Variants in ARID3A observed in about 807,000 individuals in gnomAD.
ARID3A encodes the protein AT-rich interactive domain-containing protein 3A.
ARID3A carries 11 observed loss-of-function variants against 52.7 expected under a neutral mutation model. The ratio of observed to expected loss-of-function variants is 0.21; its 90% CI spans 0.13 to 0.35. The LOEUF (loss-of-function observed/expected upper bound fraction) is 0.35. ARID3A is among the 10% of genes least tolerant of loss of function. The pLI is 1.00. For synonymous variants in ARID3A, 404 were observed against 359.4 expected, an observed-to-expected ratio of 1.12 and a Z score of -1.40; for missense variants, 721 against 838.5, an observed-to-expected ratio of 0.86 and a Z score of 1.73.
chr19:964,768 C>G lies in ARID3A; in HGVS notation c.951-65C>G, dbSNP rs1237218307. 8 of 1,564,196 alleles carry G rather than the reference C, an allele frequency of 5.1e-6. No homozygotes were observed. The highest frequency in any genetic ancestry group is 1.4e-5 in the African/African-American group (1 of 73,874). On this transcript the variant is annotated intron_variant, in intron 5 of 8. Transcript: ENST00000263620. This position sits in a 1 kb window ranked among gnomAD's most constrained non-coding sequence, Gnocchi z 5.7. ...GTGCCACAGTGGGGTTTACTTTGTA[C>G]TGAAGGCCAAAGAGAGCCGTAGGGG...
intron 3 of ARID3A, among the ~76,000 whole-genome samples, chr19:939,678 A>G (rs1299150830): frequency 6.6e-6 from 1 of 151,920 alleles, no homozygotes; most frequent in Non-Finnish European, 1.5e-5. Flanking sequence ...TTCGCGTCGT[A>G]ATTGGGATGT....
At chr19:953,155 G>GGGGAACC (rs2037837531) in intron 3 of ARID3A, among the ~76,000 whole-genome samples, 1 of 151,970 alleles carries the variant, frequency 6.6e-6, no homozygotes, top group Admixed American at 6.5e-5. Context: ...CCGGGCAGCC[G>GGGGAACC]GGGAACCCCC....
chr19:941,434 G>A lies in ARID3A; in HGVS notation c.693+8692G>A, dbSNP rs374428396. 4.6e-5 allele frequency among the ~76,000 whole-genome samples: 7 copies of A among 152,160 alleles called. No homozygotes were observed. In the East Asian group the frequency reaches 5.8e-4, roughly 13 times the overall value. On this transcript the variant is annotated intron_variant, in intron 3 of 8. Transcript: ENST00000263620. This position sits in a 1 kb window ranked among gnomAD's most constrained non-coding sequence, Gnocchi z 6.9. Reference sequence around the variant, plus strand: ...GTGCACCCAGCCAGCGGCACCTCACGCGCCCGCCTGCGTGTCCCCAGCCAG... The same window carrying A: ...GTGCACCCAGCCAGCGGCACCTCACACGCCCGCCTGCGTGTCCCCAGCCAG...
intron 3 of ARID3A, among the ~76,000 whole-genome samples, chr19:946,692 C>G (rs1476736360): frequency 1.3e-5 from 2 of 152,098 alleles, no homozygotes; most frequent in African/African-American, 2.4e-5. Context: ...CCGCCTGCCT[C>G]GGCCTCCCAA....
At position 960,184 on chromosome 19, in the gene ARID3A, C is replaced by T. The variant is rs762486232; in HGVS notation, c.766+20C>T. ...AGCGAGGTGAGCCCTCTGCCCCCAC[C>T]CCGCTGGAGGGAGGTCACAGAAACA... On this transcript the variant is annotated intron_variant, in intron 4 of 8. Transcript: ENST00000263620. The surrounding 1 kb of genome is among the most constrained non-coding windows in gnomAD (Gnocchi z 4.3). 1.7e-4 allele frequency: 272 copies of T among 1,600,576 alleles called. No homozygotes were observed. The highest frequency in any genetic ancestry group is 1.0e-3 in the Middle Eastern group (6 of 6,026).
At chr19:930,558 G>A (rs2037300196) in intron 2 of ARID3A, among the ~76,000 whole-genome samples, 1 of 148,998 alleles carries the variant, frequency 6.7e-6, no homozygotes, top group Admixed American at 6.7e-5. Context: ...CGCCCAGGCT[G>A]GAGTGCAGTG....
Position 965,116 on chromosome 19 carries a change from A to G in ARID3A, c.1198+36A>G, listed in dbSNP as rs1273956921. On this transcript the variant is annotated intron_variant, in intron 6 of 8. Transcript: ENST00000263620. ...GTATGGGGCCTGGGGCGTGTTCCCA[A>G]CTGAGCTTCAGCCTGGCTGTCTGAC... 9 of 1,554,474 alleles carry G rather than the reference A, an allele frequency of 5.8e-6. No individual in the cohort carries two copies. In the East Asian group the frequency reaches 1.4e-4, roughly 24 times the overall value.
intron 3 of ARID3A, among the ~76,000 whole-genome samples, chr19:954,503 C>T (rs1173655942): frequency 3.3e-5 from 5 of 152,216 alleles, no homozygotes; most frequent in Admixed American, 1.3e-4. Flanking sequence ...GCTGTGTGCC[C>T]GATTTTGGAT....
In ARID3A at chr19:964,310, G is replaced by A. The variant is rs749030700; in HGVS notation, c.829G>A (p.Val277Met). The change falls in exon 5 of 9, where the codon GTG (valine) becomes ATG (methionine). Residue 277 changes from valine (V) to methionine (M), a missense_variant. Transcript: ENST00000263620. The surrounding 1 kb of genome is among the most constrained non-coding windows in gnomAD (Gnocchi z 5.7). The part of the protein sequence containing the change: ...KQVLDLFMLY[V>M]LVTEKGGLVE... Reference sequence around the variant, plus strand: ...GGTCCTTGACCTGTTCATGCTGTACGTGCTGGTGACGGAGAAGGGCGGCCT... The same window carrying A: ...GGTCCTTGACCTGTTCATGCTGTACATGCTGGTGACGGAGAAGGGCGGCCT... The A allele has an allele frequency of 1.9e-6, 3 of 1,614,000 alleles. No homozygotes were observed. The highest frequency in any genetic ancestry group is 1.3e-5 in the African/African-American group (1 of 74,922).
In ARID3A at chr19:947,919, G is replaced by A. The variant is rs749468475; in HGVS notation, c.694-12173G>A. Among the ~76,000 whole-genome samples the A allele has an allele frequency of 1.3e-5, 2 of 152,174 alleles. No individual in the cohort carries two copies. Among genetic ancestry groups the A allele is most frequent in the South Asian group, 2.1e-4 (1 of 4,832 alleles). On this transcript the variant is annotated intron_variant, in intron 3 of 8. Transcript: ENST00000263620. The surrounding 1 kb of genome is among the most constrained non-coding windows in gnomAD (Gnocchi z 6.3). ...TCCGCCGAGGCCTGGCTGTGCTGACGGGAATTGAAAGGACCTCGTGGCTTA... is the reference window on the plus strand; with the variant it reads ...TCCGCCGAGGCCTGGCTGTGCTGACAGGAATTGAAAGGACCTCGTGGCTTA...
intron 3 of ARID3A, among the ~76,000 whole-genome samples, chr19:943,709 A>T (rs2037607454): frequency 6.6e-6 from 1 of 152,204 alleles, no homozygotes; most frequent in Non-Finnish European, 1.5e-5. Context: ...AGAGGAGGGA[A>T]GGACCCTCCC....
At chr19:945,198 C>T (rs552914678) in intron 3 of ARID3A, among the ~76,000 whole-genome samples, 8 of 152,350 alleles carry the variant, frequency 5.3e-5, no homozygotes, top group African/African-American at 1.9e-4. Context: ...TGCAGAGATC[C>T]CAGCTCTGCC....
chr19:972,248 C>CGTATATATATATATAT lies in ARID3A; in HGVS notation c.*183_*184insGTATATATATATATAT, dbSNP rs1568377342. The CGTATATATATATATAT allele has an allele frequency of 1.2e-5, 2 of 168,154 alleles. No individual in the cohort carries two copies. Among genetic ancestry groups the CGTATATATATATATAT allele is most frequent in the African/African-American group, 5.5e-5 (2 of 36,122 alleles). 10.4% of individuals were successfully genotyped at this position (168,154 alleles called of 1,614,324 possible). On this transcript the variant is annotated 3_prime_UTR_variant, in exon 9 of 9. Transcript: ENST00000263620. ...ATATATATATATATATATATATATACACGTATATATATAAAGAGAATTTAA... is the reference window on the plus strand; with the variant it reads ...ATATATATATATATATATATATATACGTATATATATATATATACGTATATATATAAAGAGAATTTAA...
chr19:930,500 C>A (rs1347169377), intron 2 of ARID3A, among the ~76,000 whole-genome samples: 2 of 146,988 alleles, frequency 1.4e-5, no homozygotes, highest in African/African-American at 5.0e-5. Flanking sequence ...TGCAGTGAGC[C>A]AAGAATGTGG....
intron 3 of ARID3A, among the ~76,000 whole-genome samples, chr19:949,160 C>A (rs1226295900): frequency 6.6e-6 from 1 of 152,106 alleles, no homozygotes; most frequent in Non-Finnish European, 1.5e-5. Flanking sequence ...GTGGACCCCT[C>A]CCTGCCTCAG....
At position 973,503 on chromosome 19, in the gene ARID3A, T is replaced by A. The variant is rs562956516; in HGVS notation, c.*1438T>A. The A allele has an allele frequency of 2.9e-3, 634 of 218,374 alleles. 3 individuals carry two copies. The highest frequency in any genetic ancestry group is 0.01 in the Middle Eastern group (7 of 694). 13.5% of individuals were successfully genotyped at this position (218,374 alleles called of 1,614,324 possible). ...TCTTGTCGAAGCCCCCAGGCTCCTGTCTCAGGGATGAATGTGGCGTCTCAT... is the reference window on the plus strand; with the variant it reads ...TCTTGTCGAAGCCCCCAGGCTCCTGACTCAGGGATGAATGTGGCGTCTCAT... On this transcript the variant is annotated 3_prime_UTR_variant, in exon 9 of 9. Coordinates refer to ENST00000263620, the MANE Select transcript of ARID3A (RefSeq NM_005224.3).
intron 1 of ARID3A, among the ~76,000 whole-genome samples, chr19:926,416 G>A (rs1234617047): frequency 1.3e-5 from 2 of 151,650 alleles, no homozygotes; most frequent in Non-Finnish European, 2.9e-5. Flanking sequence ...TCGCTCAGGG[G>A]CGAGCAGGGG....
intron 2 of ARID3A, among the ~76,000 whole-genome samples, chr19:931,195 G>A (rs4539727): frequency 0.035 from 5,358 of 152,162 alleles, 317 homozygotes; most frequent in African/African-American, 0.12. Flanking sequence ...TCGAGAGGCC[G>A]AGGCGGAAGG....
At chr19:965,983 C>T (rs2038141014) in intron 6 of ARID3A, among the ~76,000 whole-genome samples, 1 of 116,932 alleles carries the variant, frequency 8.6e-6, no homozygotes. Context: ...CAGAGTGAGA[C>T]TCCGTGTCAA....
Sources: allele counts gnomAD v4.1 joint callset (sites outside exome capture counted in the v4.1 genomes callset), GRCh38; gene constraint gnomAD v4.1.1; non-coding constraint Gnocchi (gnomAD v3.1); transcripts MANE v1.5; gene names NCBI Gene and HGNC (gene_info 2026-07-23, HGNC 2026-07-21).